The following KIAA0825 variants were observed in gnomAD, a reference collection of about 807,000 sequenced individuals.
KIAA0825 encodes the protein uncharacterized protein KIAA0825.
A neutral mutation model predicts 147.6 loss-of-function variants in KIAA0825; 119 were observed. That is an observed-to-expected ratio of 0.81 (90% confidence interval 0.69 to 0.94). The LOEUF (loss-of-function observed/expected upper bound fraction) is 0.94, where lower values mean the gene tolerates loss of function less well. KIAA0825 is among the 40% of genes least tolerant of loss of function. KIAA0825 has a pLI of 0.00. For synonymous variants in KIAA0825, 470 were observed against 518.1 expected, an observed-to-expected ratio of 0.91 and a Z score of 1.26; for missense variants, 1,381 against 1,472.7, an observed-to-expected ratio of 0.94 and a Z score of 1.02.
In KIAA0825 at chr5:94,531,810, T is replaced by A. The variant is rs1250952904; in HGVS notation, c.131+5186A>T. ...AAACGATTGCAAACATTAATTTGCA[T>A]CTTCTTATTATTAAATAAGTGCCAC... On this transcript the variant is annotated intron_variant, in intron 3 of 20. Transcript: ENST00000682413. Among the ~76,000 whole-genome samples, 9 of 152,310 alleles carry A rather than the reference T, an allele frequency of 5.9e-5. No homozygotes were observed. The East Asian group carries it at 1.5e-3, about 26-fold the overall frequency.
chr5:94,297,656 C>T (rs578062342), intron 20 of KIAA0825, among the ~76,000 whole-genome samples: 14 of 152,042 alleles, frequency 9.2e-5, no homozygotes, highest in Admixed American at 2.6e-4. Flanking sequence ...AGTGCAGTGG[C>T]GCAATCCTGG....
At chr5:94,466,853 C>T (rs758839441) in intron 10 of KIAA0825, among the ~76,000 whole-genome samples, 1 of 151,336 alleles carries the variant, frequency 6.6e-6, no homozygotes, top group Non-Finnish European at 1.5e-5. Context: ...ACTTTTTAAA[C>T]CAAGAAAGGA....
chr5:94,207,985 T>A (rs578049977), intron 20 of KIAA0825, among the ~76,000 whole-genome samples: 24 of 152,310 alleles, frequency 1.6e-4, no homozygotes, highest in African/African-American at 5.5e-4. Context: ...GGGCATAAAG[T>A]TCCTGTGTTT....
chr5:94,470,995 C>T (rs1274002035), intron 9 of KIAA0825, among the ~76,000 whole-genome samples: 1 of 152,116 alleles, frequency 6.6e-6, no homozygotes, highest in East Asian at 1.9e-4. Flanking sequence ...CAGATGCTTC[C>T]TCTTCAAATA....
chr5:94,365,885 G>A (rs1041337380), intron 20 of KIAA0825, among the ~76,000 whole-genome samples: 5 of 152,182 alleles, frequency 3.3e-5, no homozygotes, highest in African/African-American at 1.2e-4. Context: ...AGTTGCTCCT[G>A]GGGATAAAAT....
At chr5:94,247,270 GT>G (rs1426986393) in intron 20 of KIAA0825, among the ~76,000 whole-genome samples, 1 of 152,108 alleles carries the variant, frequency 6.6e-6, no homozygotes, top group Non-Finnish European at 1.5e-5. Context: ...TGTGCCCAAT[GT>G]AATCATCACA....
At chr5:94,609,395 GGTTT>G (rs1383454399) in intron 1 of KIAA0825, among the ~76,000 whole-genome samples, 1 of 151,574 alleles carries the variant, frequency 6.6e-6, no homozygotes, top group African/African-American at 2.4e-5. Context: ...AACATGTAGT[GGTTT>G]GTTTAAATAT....
intron 14 of KIAA0825, among the ~76,000 whole-genome samples, chr5:94,430,351 C>CAA (rs1202289680): frequency 6.6e-6 from 1 of 152,062 alleles, no homozygotes; most frequent in Non-Finnish European, 1.5e-5. Context: ...AATCAAGTAA[C>CAA]AAAACATTTT....
intron 20 of KIAA0825, among the ~76,000 whole-genome samples, chr5:94,332,389 C>T (rs1562386389): frequency 6.6e-6 from 1 of 151,976 alleles, no homozygotes; most frequent in Non-Finnish European, 1.5e-5. Flanking sequence ...CCACCACCCC[C>T]GATAGGCCCT....
chr5:94,358,277 A>G (rs990924510), intron 20 of KIAA0825, among the ~76,000 whole-genome samples: 7 of 152,128 alleles, frequency 4.6e-5, no homozygotes, highest in African/African-American at 1.4e-4. Context: ...TCCCTCCCCA[A>G]CCTCTTAAAG....
At position 94,465,021 on chromosome 5, in the gene KIAA0825, A is replaced by G; in HGVS notation, c.1911T>C (p.Tyr637=). 6.4e-7 allele frequency: 1 copy of G among 1,551,684 alleles called. No individual in the cohort carries two copies. Among genetic ancestry groups the G allele is most frequent in the South Asian group, 1.2e-5 (1 of 84,050 alleles). ...RCSFSIQMWH[Y]FCWSLHYDLW... is the part of the protein sequence containing the mutation. ...GATCGTAATGAAGAGACCAGCAGAA[A>G]TAATGCCACATCTGGATCGAGAAGG... is the stretch of plus-strand genomic sequence containing the variant. The change falls in exon 11 of 21, where the codon TAT becomes TAC. Residue 637 remains tyrosine, a synonymous_variant. Coordinates refer to ENST00000682413, the MANE Select transcript of KIAA0825 (RefSeq NM_001145678.3).
chr5:94,457,418 C>T (rs565189859), intron 12 of KIAA0825, among the ~76,000 whole-genome samples: 1 of 152,330 alleles, frequency 6.6e-6, no homozygotes, highest in Non-Finnish European at 1.5e-5. Flanking sequence ...GAAGCAGGTA[C>T]ATTTCTTCAC....
intron 20 of KIAA0825, among the ~76,000 whole-genome samples, chr5:94,365,088 G>A (rs1366947210): frequency 6.6e-6 from 1 of 152,136 alleles, no homozygotes; most frequent in Admixed American, 6.5e-5. Flanking sequence ...CGTCACACCT[G>A]CTCCAACCAG....
intron 14 of KIAA0825, among the ~76,000 whole-genome samples, chr5:94,430,270 C>T (rs1584471156): frequency 6.6e-6 from 1 of 152,134 alleles, no homozygotes; most frequent in South Asian, 2.1e-4. Context: ...ATTTTATTTG[C>T]AGTCTAAAAC....
intron 15 of KIAA0825, chr5:94,416,339 G>C (rs1187299573): frequency 6.6e-6 from 1 of 152,132 alleles, no homozygotes; most frequent in Non-Finnish European, 1.5e-5. Flanking sequence ...AAGTCTGGGA[G>C]GAGTGAAACC....
intron 4 of KIAA0825, among the ~76,000 whole-genome samples, chr5:94,522,923 C>T (rs1374270727): frequency 6.6e-6 from 1 of 151,650 alleles, no homozygotes; most frequent in Non-Finnish European, 1.5e-5. Context: ...AAATTCAATA[C>T]ACATGCCTCT....
chr5:94,266,423 C>G (rs1776739644), intron 20 of KIAA0825, among the ~76,000 whole-genome samples: 1 of 152,074 alleles, frequency 6.6e-6, no homozygotes, highest in South Asian at 2.1e-4. Flanking sequence ...ATTCAAAGTA[C>G]AAGATATCAT....
At chr5:94,319,546 C>G (rs1279492067) in intron 20 of KIAA0825, among the ~76,000 whole-genome samples, 1 of 151,800 alleles carries the variant, frequency 6.6e-6, no homozygotes, top group East Asian at 1.9e-4. Flanking sequence ...CCCAGGTTTC[C>G]TCATCTCAAT....
chr5:94,391,087 C>T (rs189315303), intron 18 of KIAA0825, among the ~76,000 whole-genome samples: 94 of 152,194 alleles, frequency 6.2e-4, no homozygotes, highest in Non-Finnish European at 1.2e-3. Flanking sequence ...TGGTTGCTAC[C>T]GAATATGGTT....
Sources: gnomAD v4.1 joint callset for allele counts (sites outside exome capture counted in the v4.1 genomes callset) on GRCh38, gnomAD v4.1.1 for gene constraint, MANE v1.5 for transcripts, NCBI Gene and HGNC (gene_info 2026-07-23, HGNC 2026-07-21) for gene names.